TP63: variants seen among roughly 807,000 people sequenced by gnomAD.
TP63 encodes tumor protein 63.
TP63 carries 17 observed loss-of-function variants against 82.8 expected under a neutral mutation model. That is an observed-to-expected ratio of 0.21 (90% confidence interval 0.14 to 0.31). The LOEUF is 0.31. Ranked by LOEUF, TP63 falls within the 10% of genes least tolerant of loss-of-function variation. The pLI, the probability that TP63 is intolerant of heterozygous loss-of-function variation, is 1.00. For synonymous variants in TP63, 330 were observed against 321.7 expected, an observed-to-expected ratio of 1.03 and a Z score of -0.28; for missense variants, 648 against 895.3, an observed-to-expected ratio of 0.72 and a Z score of 3.52.
chr3:189,739,763 T>C (rs1414438808), intron 3 of TP63, among the ~76,000 whole-genome samples: 1 of 151,688 alleles, frequency 6.6e-6, no homozygotes, highest in Non-Finnish European at 1.5e-5. Context: ...GTTTGTGCAG[T>C]TTCATAATGC....
At chr3:189,828,616 T>A (rs568632366) in intron 4 of TP63, among the ~76,000 whole-genome samples, 1 of 152,352 alleles carries the variant, frequency 6.6e-6, no homozygotes, top group South Asian at 2.1e-4. Flanking sequence ...ATATTCTCTA[T>A]GTCTCTGCCT....
chr3:189,676,285 A>C (rs974392207), intron 1 of TP63, among the ~76,000 whole-genome samples: 2 of 152,092 alleles, frequency 1.3e-5, no homozygotes, highest in African/African-American at 4.8e-5. Flanking sequence ...CATAACTGAA[A>C]CATTGTGCCC....
chr3:189,828,849 A>G (rs1232590856), intron 4 of TP63, among the ~76,000 whole-genome samples: 2 of 152,206 alleles, frequency 1.3e-5, no homozygotes, highest in Non-Finnish European at 2.9e-5. Context: ...CTGAATGAAA[A>G]TAATCTAATA....
intron 5 of TP63, among the ~76,000 whole-genome samples, chr3:189,864,994 G>A (rs890122454): frequency 2.6e-5 from 4 of 151,088 alleles, no homozygotes; most frequent in Non-Finnish European, 2.9e-5. Flanking sequence ...GCGACAGAGC[G>A]AGACTCCATC....
intron 3 of TP63, among the ~76,000 whole-genome samples, chr3:189,773,956 T>A (rs1281121452): frequency 2.3e-5 from 3 of 130,854 alleles, no homozygotes; most frequent in Admixed American, 9.3e-5. Context: ...GGAGTCTCGC[T>A]CTGTCACCCA....
chr3:189,640,218 A>C (rs942634078), intron 1 of TP63, among the ~76,000 whole-genome samples: 2 of 152,026 alleles, frequency 1.3e-5, no homozygotes, highest in African/African-American at 4.8e-5. Context: ...CATAAGATGT[A>C]TTTTTCTATT....
intron 3 of TP63, among the ~76,000 whole-genome samples, chr3:189,753,214 G>C (rs1468615541): frequency 6.6e-6 from 1 of 151,992 alleles, no homozygotes; most frequent in African/African-American, 2.4e-5. Context: ...CTGTCTACTA[G>C]TTCTATTAAT....
intron 3 of TP63, among the ~76,000 whole-genome samples, chr3:189,786,314 T>C (rs1724596285): frequency 6.6e-6 from 1 of 151,988 alleles, no homozygotes; most frequent in South Asian, 2.1e-4. Flanking sequence ...GAAAGGCCTT[T>C]CACGCTGTGT....
chr3:189,768,309 G>A (rs1723099120), intron 3 of TP63, among the ~76,000 whole-genome samples: 2 of 152,182 alleles, frequency 1.3e-5, no homozygotes, highest in South Asian at 4.2e-4. Context: ...AACACAAGGG[G>A]CTGTTTTAAA....
At chr3:189,671,442 A>G (rs1194616560) in intron 1 of TP63, among the ~76,000 whole-genome samples, 1 of 152,124 alleles carries the variant, frequency 6.6e-6, no homozygotes, top group Non-Finnish European at 1.5e-5. Context: ...CTTGGTTGGA[A>G]GATAAATTAG....
chr3:189,676,825 G>A (rs1268392113), intron 1 of TP63, among the ~76,000 whole-genome samples: 2 of 152,016 alleles, frequency 1.3e-5, no homozygotes, highest in African/African-American at 2.4e-5. Flanking sequence ...AATTCCTGAC[G>A]ATCTGAGGTG....
intron 4 of TP63, among the ~76,000 whole-genome samples, chr3:189,819,359 A>G (rs961823467): frequency 3.9e-5 from 6 of 152,042 alleles, no homozygotes. Context: ...TTTGTTACAT[A>G]TGTATACGTG....
chr3:189,748,561 C>T (rs1721560788), intron 3 of TP63, among the ~76,000 whole-genome samples: 1 of 91,204 alleles, frequency 1.1e-5, no homozygotes, highest in Non-Finnish European at 2.3e-5. Flanking sequence ...AAATGAAAGA[C>T]ATTCTATGCT....
chr3:189,806,427 A>G (rs1240332571), intron 3 of TP63, among the ~76,000 whole-genome samples: 2 of 152,274 alleles, frequency 1.3e-5, no homozygotes, highest in Non-Finnish European at 2.9e-5. Flanking sequence ...GACGTTCAAG[A>G]GTGCTTTGTA....
At chr3:189,709,862 T>C (rs1480966821) in intron 1 of TP63, among the ~76,000 whole-genome samples, 3 of 152,174 alleles carry the variant, frequency 2.0e-5, no homozygotes, top group Non-Finnish European at 4.4e-5. Context: ...GTCATACAAC[T>C]TAACCTTTGC....
At chr3:189,635,688 G>A (rs73889791) in intron 1 of TP63, among the ~76,000 whole-genome samples, 1,588 of 151,706 alleles carry the variant, frequency 0.01, 26 homozygotes, top group African/African-American at 0.036. Flanking sequence ...AGCTTAGGAG[G>A]AGTAACCATT....
chr3:189,671,635 C>A (rs1714900552), intron 1 of TP63, among the ~76,000 whole-genome samples: 1 of 151,874 alleles, frequency 6.6e-6, no homozygotes, highest in Non-Finnish European at 1.5e-5. Context: ...ATGGAATCAA[C>A]CTAAATGTCC....
At chr3:189,662,313 A>G (rs1012530903) in intron 1 of TP63, among the ~76,000 whole-genome samples, 2 of 151,980 alleles carry the variant, frequency 1.3e-5, no homozygotes, top group African/African-American at 4.8e-5. Context: ...GCCTTAATTT[A>G]GTTGTTTACC....
At chr3:189,691,789 T>G (rs186034049) in intron 1 of TP63, among the ~76,000 whole-genome samples, 2 of 152,188 alleles carry the variant, frequency 1.3e-5, no homozygotes, top group Non-Finnish European at 2.9e-5. Flanking sequence ...GTTTTTCTGT[T>G]GTTGTCCTTT....
Sources: allele counts gnomAD v4.1 joint callset (sites outside exome capture counted in the v4.1 genomes callset), GRCh38; gene constraint gnomAD v4.1.1; transcripts MANE v1.5; gene names NCBI Gene and HGNC (gene_info 2026-07-23, HGNC 2026-07-21).